The following CAMK2G variants were observed in gnomAD, a reference collection of about 807,000 sequenced individuals.
CAMK2G encodes the protein calcium/calmodulin dependent protein kinase II gamma, also known as calcium/calmodulin-dependent protein kinase type II subunit gamma.
Under a neutral mutation model 88.7 loss-of-function variants are expected in CAMK2G, and 23 were observed. The ratio of observed to expected loss-of-function variants is 0.26; its 90% confidence interval spans 0.19 to 0.37. The LOEUF (loss-of-function observed/expected upper bound fraction) is 0.37, where lower values mean the gene tolerates loss of function less well. CAMK2G is among the 10% of genes least tolerant of loss of function. CAMK2G has a pLI of 1.00. For missense variants in CAMK2G, 476 were observed against 780.8 expected (o/e 0.61, Z 4.65); for synonymous variants, 263 against 294.8 (o/e 0.89, Z 1.11).
At chr10:73,858,169 C>G (rs1311605103) in intron 3 of CAMK2G, among the ~76,000 whole-genome samples, 1 of 152,252 alleles carries the variant, frequency 6.6e-6, no homozygotes, top group African/African-American at 2.4e-5. Flanking sequence ...CTGGGCATGA[C>G]TGGCCCCTAG....
intron 14 of CAMK2G, among the ~76,000 whole-genome samples, chr10:73,830,242 C>G (rs2092200541): frequency 6.6e-6 from 1 of 152,198 alleles, no homozygotes; most frequent in African/African-American, 2.4e-5. Context: ...CCTTCTGAAC[C>G]AGCACACTAC....
intron 2 of CAMK2G, among the ~76,000 whole-genome samples, chr10:73,867,653 C>T (rs2095644564): frequency 6.6e-6 from 1 of 152,134 alleles, no homozygotes; most frequent in Non-Finnish European, 1.5e-5. Flanking sequence ...GGAAATCTCC[C>T]CACCGCACAG....
At chr10:73,856,589 T>C (rs1033759259) in intron 3 of CAMK2G, among the ~76,000 whole-genome samples, 4 of 152,208 alleles carry the variant, frequency 2.6e-5, no homozygotes, top group African/African-American at 9.6e-5. Context: ...AACTGTGTCA[T>C]GCTGTGAGGC....
chr10:73,861,131 A>G (rs1027493348), intron 2 of CAMK2G, among the ~76,000 whole-genome samples: 1 of 152,132 alleles, frequency 6.6e-6, no homozygotes, highest in Admixed American at 6.5e-5. Context: ...GGCTCAAGCA[A>G]TCCTCCCACC....
Position 73,848,972 on chromosome 10 carries a change from A to C in CAMK2G, c.517+41T>G, listed in dbSNP as rs1416235751. On this transcript the variant is annotated intron_variant, in intron 7 of 22. Transcript: ENST00000423381. The surrounding 1 kb of genome is among the most constrained non-coding windows in gnomAD (Gnocchi z 4.5). ...GGAAGGCAGATCAGGAAGAGGAGGAAGGGCGGGGGCTGCATTCCGGGAAGA... is the reference window on the plus strand; with the variant it reads ...GGAAGGCAGATCAGGAAGAGGAGGACGGGCGGGGGCTGCATTCCGGGAAGA... 8.1e-7 allele frequency: 1 copy of C among 1,228,170 alleles called. No homozygotes were observed. The highest frequency in any genetic ancestry group is 1.2e-6 in the Non-Finnish European group (1 of 827,774). The allele number at this position is 1,228,170 out of a possible 1,614,324, so 76.1% of individuals were successfully genotyped here.
chr10:73,843,538 T>C (rs1396959054), intron 10 of CAMK2G, among the ~76,000 whole-genome samples: 1 of 152,278 alleles, frequency 6.6e-6, no homozygotes, highest in East Asian at 1.9e-4. Context: ...CACACGGGAC[T>C]GCAGAGGGTA....
chr10:73,873,458 T>C (rs2095916724), intron 1 of CAMK2G: 10 of 1,074,274 alleles, frequency 9.3e-6, no homozygotes, highest in African/African-American at 1.6e-5. Flanking sequence ...AGAGAGACCC[T>C]GCCCTTCTCT....
chr10:73,853,348 C>T, intron 3 of CAMK2G, 102 bp from the exon 4 acceptor site: 1 of 990,714 alleles, frequency 1.0e-6, no homozygotes, highest in Middle Eastern at 2.4e-4. Context: ...GTCGGGCTCA[C>T]AGGGCTCTCC....
intron 21 of CAMK2G, 122 bp from the exon 22 acceptor site, chr10:73,815,369 G>GA: frequency 1.6e-6 from 1 of 624,178 alleles, no homozygotes; most frequent in Non-Finnish European, 2.8e-6. Flanking sequence ...TCCAAGTACC[G>GA]CCCCCCCCCA....
chr10:73,817,199 G>A, intron 20 of CAMK2G, 82 bp from the exon 21 acceptor site: 1 of 1,527,032 alleles, frequency 6.5e-7, no homozygotes, highest in Admixed American at 2.2e-5. Flanking sequence ...TGTCTATCCA[G>A]TAGCAGCAGG....
intron 2 of CAMK2G, among the ~76,000 whole-genome samples, chr10:73,871,887 G>T (rs1328290901): frequency 6.6e-6 from 1 of 152,176 alleles, no homozygotes; most frequent in Non-Finnish European, 1.5e-5. Context: ...CCGTGGAATT[G>T]TAGAGCTTCT....
At position 73,813,031 on chromosome 10, in the gene CAMK2G, A is replaced by C. The variant is rs1459259126; in HGVS notation, c.*1487T>G. On this transcript the variant is annotated 3_prime_UTR_variant, in exon 23 of 23. Transcript: ENST00000423381. ...GTGCCTCCTGAAGGTAGTCCAGGGA[A>C]CTGGAATCTACCCACCTTTCCCCCA... 6.5e-6 allele frequency: 1 copy of C among 152,722 alleles called. No individual in the cohort carries two copies. Among genetic ancestry groups the C allele is most frequent in the East Asian group, 1.9e-4 (1 of 5,202 alleles). 9.5% of individuals were successfully genotyped at this position (152,722 alleles called of 1,614,324 possible).
chr10:73,854,419 T>G (rs902857049), intron 3 of CAMK2G, among the ~76,000 whole-genome samples: 1 of 152,190 alleles, frequency 6.6e-6, no homozygotes. Context: ...AGCATCATTC[T>G]AATGCAGAAA....
At chr10:73,851,799 G>A (rs1463967541) in intron 5 of CAMK2G, among the ~76,000 whole-genome samples, 1 of 151,696 alleles carries the variant, frequency 6.6e-6, no homozygotes, top group Non-Finnish European at 1.5e-5. Context: ...AGGCTGGAGT[G>A]CAGTGGCATG....
intron 15 of CAMK2G, among the ~76,000 whole-genome samples, chr10:73,826,073 G>A (rs2090841309): frequency 6.6e-6 from 1 of 152,174 alleles, no homozygotes; most frequent in African/African-American, 2.4e-5. Flanking sequence ...GACAGAGTAG[G>A]CCACACACAG....
chr10:73,816,303 C>A (rs1263755794), intron 21 of CAMK2G: 1 of 989,786 alleles, frequency 1.0e-6, no homozygotes, highest in Non-Finnish European at 1.2e-6. Context: ...TCGCAAATCA[C>A]CAACAGTGCC....
At position 73,842,268 on chromosome 10, in the gene CAMK2G, G is replaced by T; in HGVS notation, c.904-57C>A. The T allele has an allele frequency of 6.8e-7, 1 of 1,463,774 alleles. No individual in the cohort carries two copies. The highest frequency in any genetic ancestry group is 9.6e-7 in the Non-Finnish European group (1 of 1,042,910). The allele number at this position is 1,463,774 out of a possible 1,614,324, so 90.7% of individuals were successfully genotyped here. A position where few individuals can be genotyped will look rare whatever the true frequency, so the allele number is the denominator to read the frequency against. The stretch of plus-strand genomic sequence containing the variant: ...TGAGACCCTAGAAAAGGGCAGGCTG[G>T]TCTCAGGCAAAGGCAGGTCCTGGCT... On this transcript the variant is annotated intron_variant, in intron 11 of 22. Transcript: ENST00000423381. This position sits in a 1 kb window ranked among gnomAD's most constrained non-coding sequence, Gnocchi z 4.6.
chr10:73,862,908 G>A (rs1448343354), intron 2 of CAMK2G, among the ~76,000 whole-genome samples: 1 of 152,160 alleles, frequency 6.6e-6, no homozygotes, highest in East Asian at 1.9e-4. Flanking sequence ...GATCCCATTA[G>A]GTAAATGCTA....
At chr10:73,819,779 C>T in intron 18 of CAMK2G, 134 bp from the exon 19 acceptor site, 1 of 609,786 alleles carries the variant, frequency 1.6e-6, no homozygotes, top group African/African-American at 1.9e-5. Flanking sequence ...GACGCCTCGC[C>T]TCAGGCTGCT....
Sources: allele counts gnomAD v4.1 joint callset (sites outside exome capture counted in the v4.1 genomes callset), GRCh38; gene constraint gnomAD v4.1.1; non-coding constraint Gnocchi (gnomAD v3.1); transcripts MANE v1.5; gene names NCBI Gene and HGNC (gene_info 2026-07-23, HGNC 2026-07-21).